Variants in ZNF560 observed in about 807,000 individuals in gnomAD.
The protein encoded by ZNF560 is zinc finger protein 560.
Under a neutral mutation model 81.8 loss-of-function variants are expected in ZNF560, and 54 were observed. The observed-to-expected ratio is 0.66, with a 90% CI of 0.53 to 0.83. The LOEUF (loss-of-function observed/expected upper bound fraction) is 0.83, where lower values mean the gene tolerates loss of function less well. Ranked by LOEUF, ZNF560 falls within the 40% of genes least tolerant of loss-of-function variation. The pLI is 0.00. For missense variants in ZNF560, 940 were observed against 932.4 expected (o/e 1.01, Z -0.11); for synonymous variants, 321 against 317.9 (o/e 1.01, Z -0.10).
At chr19:9,494,941 A>G (rs923113209) in intron 2 of ZNF560, among the ~76,000 whole-genome samples, 11 of 152,046 alleles carry the variant, frequency 7.2e-5, no homozygotes, top group Non-Finnish European at 1.5e-5. Flanking sequence ...ACAAACAAAC[A>G]AACAAAAAAC....
At chr19:9,496,412 G>C (rs1469780620) in intron 2 of ZNF560, among the ~76,000 whole-genome samples, 2 of 151,576 alleles carry the variant, frequency 1.3e-5, no homozygotes, top group Non-Finnish European at 2.9e-5. Context: ...TTTTAGTAGA[G>C]ACAGGGATTC....
upstream of ZNF560, among the ~76,000 whole-genome samples, chr19:9,501,279 G>A (rs1182121967): frequency 7.0e-6 from 1 of 142,632 alleles, no homozygotes; most frequent in East Asian, 2.1e-4. Flanking sequence ...TCCCACCTCA[G>A]CCTCTCAAGA....
At chr19:9,446,197 G>C in the ZNF560 span, among the ~76,000 whole-genome samples, 4 of 151,346 alleles carry the variant, frequency 2.6e-5, no homozygotes, top group Non-Finnish European at 5.9e-5. Context: ...CTGCCTGCTT[G>C]GTGGTACTTT....
intron 2 of ZNF560, among the ~76,000 whole-genome samples, chr19:9,492,180 TG>T (rs1367582481): frequency 6.6e-6 from 1 of 151,952 alleles, no homozygotes; most frequent in Admixed American, 6.6e-5. Context: ...GTTGATTTTT[TG>T]TTTTCATAGA....
chr19:9,506,004 T>G, the ZNF560 span, among the ~76,000 whole-genome samples: 1 of 149,794 alleles, frequency 6.7e-6, no homozygotes, highest in East Asian at 1.9e-4. Flanking sequence ...CTTTCTTTCT[T>G]TTTGAGATGG....
chr19:9,496,089 C>T (rs529063514), intron 2 of ZNF560, among the ~76,000 whole-genome samples: 2 of 152,154 alleles, frequency 1.3e-5, no homozygotes, highest in African/African-American at 2.4e-5. Flanking sequence ...TAGTAATACA[C>T]TTATAAAAAT....
At chr19:9,465,430 G>A (rs111367421), downstream of ZNF560, among the ~76,000 whole-genome samples, 7,373 of 152,232 alleles carry the variant, frequency 0.048, 618 homozygotes, top group African/African-American at 0.17. Context: ...GAGCCACTGC[G>A]CCTGGCCAGC....
At chr19:9,448,031 C>T in the ZNF560 span, among the ~76,000 whole-genome samples, 1 of 152,164 alleles carries the variant, frequency 6.6e-6, no homozygotes. Context: ...AGAAACCCTA[C>T]AAGCCAGAAA....
chr19:9,503,405 A>G (rs1250378622), upstream of ZNF560, among the ~76,000 whole-genome samples: 1 of 152,158 alleles, frequency 6.6e-6, no homozygotes, highest in Non-Finnish European at 1.5e-5. Flanking sequence ...AAAGTCCAAG[A>G]ACAAGGCACA....
intron 2 of ZNF560, among the ~76,000 whole-genome samples, chr19:9,480,424 T>C (rs1470911732): frequency 6.6e-6 from 1 of 151,774 alleles, no homozygotes; most frequent in Admixed American, 6.6e-5. Context: ...TTAATAGCAA[T>C]AAATGCCTAT....
the ZNF560 span, among the ~76,000 whole-genome samples, chr19:9,505,657 C>G: frequency 1.3e-5 from 2 of 152,110 alleles, no homozygotes; most frequent in Non-Finnish European, 2.9e-5. Context: ...TCATTTAACT[C>G]TCTTCTAATT....
intron 2 of ZNF560, among the ~76,000 whole-genome samples, chr19:9,497,332 G>C (rs2073576162): frequency 6.6e-6 from 1 of 151,726 alleles, no homozygotes; most frequent in South Asian, 2.1e-4. Flanking sequence ...TAAATGTCGA[G>C]CTTACCATCC....
At chr19:9,460,359 C>T in the ZNF560 span, among the ~76,000 whole-genome samples, 15 of 152,304 alleles carry the variant, frequency 9.8e-5, no homozygotes, top group South Asian at 2.7e-3. Context: ...TTTATGACAG[C>T]GGTGATCACC....
downstream of ZNF560, among the ~76,000 whole-genome samples, chr19:9,465,723 T>C (rs1054465729): frequency 1.3e-5 from 2 of 152,234 alleles, no homozygotes; most frequent in African/African-American, 4.8e-5. Context: ...CCAGGCGCGA[T>C]GGCTCACACC....
chr19:9,482,403 C>A (rs570598997), intron 2 of ZNF560, among the ~76,000 whole-genome samples: 1 of 145,872 alleles, frequency 6.9e-6, no homozygotes, highest in South Asian at 2.1e-4. Flanking sequence ...TACGCATGTA[C>A]CTTAGAACTT....
upstream of ZNF560, among the ~76,000 whole-genome samples, chr19:9,499,355 T>C (rs549757779): frequency 2.0e-5 from 3 of 152,040 alleles, no homozygotes; most frequent in Non-Finnish European, 4.4e-5. Context: ...TTATTATTAT[T>C]ATCATCATTA....
chr19:9,463,891 C>T (rs953361119), downstream of ZNF560, among the ~76,000 whole-genome samples: 8 of 152,226 alleles, frequency 5.3e-5, no homozygotes, highest in African/African-American at 7.2e-5. Context: ...CCATGTTGCC[C>T]GGGCTGGTCT....
chr19:9,485,524 AG>A (rs1283644139), intron 2 of ZNF560, among the ~76,000 whole-genome samples: 2 of 146,280 alleles, frequency 1.4e-5, no homozygotes, highest in Non-Finnish European at 3.0e-5. Context: ...AAAAAAAAAA[AG>A]TGCTGAAGAA....
At chr19:9,470,952 A>G (rs903381266) in intron 6 of ZNF560, among the ~76,000 whole-genome samples, 7 of 152,250 alleles carry the variant, frequency 4.6e-5, no homozygotes, top group African/African-American at 1.7e-4. Context: ...ATACAAAAAT[A>G]CTGAGATAAT....
Sources: gnomAD v4.1 joint callset for allele counts (sites outside exome capture counted in the v4.1 genomes callset) on GRCh38, gnomAD v4.1.1 for gene constraint, MANE v1.5 for transcripts, NCBI Gene and HGNC (gene_info 2026-07-23, HGNC 2026-07-21) for gene names.